The following SEMA5A variants were observed in gnomAD, a reference collection of about 807,000 sequenced individuals.
The protein encoded by SEMA5A is semaphorin 5A, also known as semaphorin-5A.
In SEMA5A, 55 loss-of-function variants were observed where a neutral mutation model predicts 135.5. The observed-to-expected ratio is 0.41, with a 90% CI of 0.33 to 0.51. SEMA5A has a LOEUF of 0.51. SEMA5A is among the 20% of genes least tolerant of loss of function. The probability of loss-of-function intolerance (pLI) is 0.37; values close to 1 mark genes in which losing one functional copy is unlikely to be tolerated. For synonymous variants in SEMA5A, 580 were observed against 546.5 expected (o/e 1.06, Z -0.85); for missense variants, 1,290 against 1,419.9 (o/e 0.91, Z 1.47).
chr5:9,272,571 C>T (rs1750033137), intron 5 of SEMA5A, among the ~76,000 whole-genome samples: 1 of 152,168 alleles, frequency 6.6e-6, no homozygotes, highest in South Asian at 2.1e-4. Context: ...GAATGTGAGA[C>T]ACCTCCCAGT....
chr5:9,376,214 A>C (rs1755356106), intron 3 of SEMA5A, among the ~76,000 whole-genome samples: 2 of 152,020 alleles, frequency 1.3e-5, no homozygotes, highest in Admixed American at 1.3e-4. Context: ...AATGCCAGGC[A>C]CCTCCGAATC....
intron 2 of SEMA5A, among the ~76,000 whole-genome samples, chr5:9,417,793 A>C (rs1757330045): frequency 1.3e-5 from 2 of 152,174 alleles, no homozygotes; most frequent in Admixed American, 1.3e-4. Flanking sequence ...ATAAATTACC[A>C]TACACCAAGT....
intron 2 of SEMA5A, among the ~76,000 whole-genome samples, chr5:9,416,786 G>C (rs759266322): frequency 3.2e-4 from 48 of 152,188 alleles, no homozygotes; most frequent in Non-Finnish European, 6.5e-4. Context: ...GGTTACCACA[G>C]TGAGGGGATA....
intron 21 of SEMA5A, among the ~76,000 whole-genome samples, chr5:9,047,621 T>A (rs1008995100): frequency 1.3e-5 from 2 of 152,204 alleles, no homozygotes; most frequent in African/African-American, 4.8e-5. Context: ...AATAATTTCC[T>A]GTACAATGAT....
At chr5:9,353,145 A>AGGAAAGGAAAGAAAAGGAGGGAAAGGAAG (rs1754237813) in intron 3 of SEMA5A, among the ~76,000 whole-genome samples, 1 of 87,470 alleles carries the variant, frequency 1.1e-5, no homozygotes, top group Non-Finnish European at 2.3e-5. Flanking sequence ...AGGAAAGGAA[A>AGGAAAGGAAAGAAAAGGAGGGAAAGGAAG]GGAAAGGAAA....
rs1397087884 is a variant in SEMA5A, at chr5:9,083,578, TCATCCATTCATCCATCCATC to T, written c.2074-16952_2074-16933del. Among the ~76,000 whole-genome samples, 492 of 103,258 alleles carry T rather than the reference TCATCCATTCATCCATCCATC, an allele frequency of 4.8e-3. 1 individual carries two copies. Among genetic ancestry groups the T allele is most frequent in the African/African-American group, 0.011 (362 of 31,698 alleles). 67.7% of individuals were successfully genotyped at this position (103,258 alleles called of 152,430 possible). On this transcript the variant is annotated intron_variant, in intron 16 of 22. Transcript: ENST00000382496. ...TCAAAATATCAGGTTTTCCATTCATTCATCCATTCATCCATCCATCCATCCATCCATCCATCCATCCATCC... is the reference window on the plus strand; with the variant it reads ...TCAAAATATCAGGTTTTCCATTCATTCATCCATCCATCCATCCATCCATCC...
At chr5:9,255,459 C>T (rs1287235562) in intron 5 of SEMA5A, among the ~76,000 whole-genome samples, 1 of 152,178 alleles carries the variant, frequency 6.6e-6, no homozygotes, top group Non-Finnish European at 1.5e-5. Context: ...GGCTTGATCA[C>T]CATGAAGTGG....
At chr5:9,350,685 T>C (rs1285344221) in intron 3 of SEMA5A, among the ~76,000 whole-genome samples, 1 of 152,208 alleles carries the variant, frequency 6.6e-6, no homozygotes, top group Non-Finnish European at 1.5e-5. Flanking sequence ...GTTGGCAATA[T>C]TCCATTCATT....
rs1749941375 is a variant in SEMA5A at position 9,270,924 on chromosome 5, T to G, written c.271-33034A>C. On this transcript the variant is annotated intron_variant, in intron 5 of 22. Transcript: ENST00000382496. ...TTTCTGATCACTTGCTTGCTAAAAATAGGTTTTATATTTTCACATATTGAA... is the reference window on the plus strand; with the variant it reads ...TTTCTGATCACTTGCTTGCTAAAAAGAGGTTTTATATTTTCACATATTGAA... 3.9e-5 allele frequency among the ~76,000 whole-genome samples: 6 copies of G among 152,200 alleles called. No homozygotes were observed. In the South Asian group the frequency reaches 1.2e-3, roughly 32 times the overall value.
At chr5:9,187,577 C>T (rs545500815) in intron 11 of SEMA5A, among the ~76,000 whole-genome samples, 1 of 152,256 alleles carries the variant, frequency 6.6e-6, no homozygotes, top group East Asian at 1.9e-4. Context: ...AACAATCCAA[C>T]TAGTGAGAGA....
intron 11 of SEMA5A, among the ~76,000 whole-genome samples, chr5:9,183,229 T>C (rs1413304602): frequency 6.6e-6 from 1 of 152,132 alleles, no homozygotes; most frequent in Non-Finnish European, 1.5e-5. Context: ...GAAAGAGACA[T>C]CTGCTTGGCT....
intron 5 of SEMA5A, among the ~76,000 whole-genome samples, chr5:9,240,825 G>A (rs1748152407): frequency 6.6e-6 from 1 of 152,016 alleles, no homozygotes; most frequent in East Asian, 1.9e-4. Flanking sequence ...GAAGCCACGT[G>A]TCCACTTGTA....
chr5:9,240,663 G>A (rs1261751850), intron 5 of SEMA5A, among the ~76,000 whole-genome samples: 1 of 151,814 alleles, frequency 6.6e-6, no homozygotes, highest in Non-Finnish European at 1.5e-5. Flanking sequence ...AAATTAGGCT[G>A]TTTGTTTAAC....
intron 1 of SEMA5A, among the ~76,000 whole-genome samples, chr5:9,481,390 T>A (rs949588031): frequency 1.3e-5 from 2 of 152,196 alleles, no homozygotes; most frequent in African/African-American, 2.4e-5. Flanking sequence ...TAGATCACAA[T>A]GTGGAAGGTG....
chr5:9,335,798 G>A (rs933702243), intron 4 of SEMA5A, among the ~76,000 whole-genome samples: 1 of 152,072 alleles, frequency 6.6e-6, no homozygotes, highest in Non-Finnish European at 1.5e-5. Flanking sequence ...ATGCAGAGGG[G>A]AACATAGACA....
chr5:9,195,631 A>G (rs1356049661), intron 10 of SEMA5A, among the ~76,000 whole-genome samples: 2 of 152,228 alleles, frequency 1.3e-5, no homozygotes, highest in African/African-American at 4.8e-5. Context: ...GATGTGTGAT[A>G]AAAATGCACA....
At chr5:9,199,143 C>G (rs1309406357) in intron 9 of SEMA5A, among the ~76,000 whole-genome samples, 2 of 152,168 alleles carry the variant, frequency 1.3e-5, no homozygotes, top group African/African-American at 4.8e-5. Context: ...CTTCTTCCTG[C>G]TGGCATAATG....
At chr5:9,353,046 G>GAAGGAAAGGAAGGAAAGGA (rs1754198939) in intron 3 of SEMA5A, among the ~76,000 whole-genome samples, 2 of 109,400 alleles carry the variant, frequency 1.8e-5, no homozygotes, top group Admixed American at 1.2e-4. Flanking sequence ...AAAGAAGAAG[G>GAAGGAAAGGAAGGAAAGGA]AAGGAAAGGA....
intron 8 of SEMA5A, among the ~76,000 whole-genome samples, chr5:9,215,528 G>T (rs968197943): frequency 6.6e-6 from 1 of 152,092 alleles, no homozygotes; most frequent in Non-Finnish European, 1.5e-5. Context: ...TGAAGATGGA[G>T]ACAGACATAG....
Sources: allele counts gnomAD v4.1 joint callset (sites outside exome capture counted in the v4.1 genomes callset), GRCh38; gene constraint gnomAD v4.1.1; transcripts MANE v1.5; gene names NCBI Gene and HGNC (gene_info 2026-07-23, HGNC 2026-07-21).